Variants in ATP5MJ observed in about 807,000 individuals in gnomAD.
The protein encoded by ATP5MJ is ATP synthase F(0) complex subunit j, mitochondrial.
Under a neutral mutation model 8.3 loss-of-function variants are expected in ATP5MJ, and 4 were observed. The ratio of observed to expected loss-of-function variants is 0.48; its 90% CI spans 0.24 to 1.11. The LOEUF (loss-of-function observed/expected upper bound fraction) is 1.11. Among genes scored for constraint, ATP5MJ ranks in the 50% least tolerant of loss-of-function variants. ATP5MJ has a pLI of 0.18. For synonymous variants in ATP5MJ, 23 were observed against 21.3 expected (o/e 1.08, Z -0.23); for missense variants, 66 against 71.8 (o/e 0.92, Z 0.29).
At chr14:103,914,722 C>T in intron 2 of ATP5MJ, 1 of 540,732 alleles carries the variant, frequency 1.8e-6, no homozygotes, top group Non-Finnish European at 3.2e-6. Context: ...AGCTACTTGG[C>T]AGGCTGAGGT....
At position 103,915,160 on chromosome 14, in the gene ATP5MJ, C is replaced by T; in HGVS notation, c.30G>A (p.Trp10Ter). 1 of 1,613,614 alleles carries T rather than the reference C, an allele frequency of 6.2e-7. No homozygotes were observed. The highest frequency in any genetic ancestry group is 8.5e-7 in the Non-Finnish European group (1 of 1,179,662). The change falls in exon 2 of 4, where the codon TGG (tryptophan) becomes TGA (stop). Residue 10 changes from tryptophan (W) to a stop codon, truncating the protein, a stop_gained. Coordinates refer to ENST00000286953, the MANE Select transcript of ATP5MJ (RefSeq NM_004894.3). LOFTEE classifies it high-confidence loss of function. ...TGGTGTAGTAGGGCTTCATGGGGAT[C>T]CATATGTTTTTAATAATACTTTGAA... is the stretch of plus-strand genomic sequence containing the variant. MLQSIIKNI[W>*]IPMKPYYTKV...
chr14:103,916,605 GC>G (rs924066590), intron 1 of ATP5MJ, among the ~76,000 whole-genome samples: 4 of 152,106 alleles, frequency 2.6e-5, no homozygotes, highest in Non-Finnish European at 5.9e-5. Context: ...GGTGGTGCTT[GC>G]CTGGCTAATT....
intron 1 of ATP5MJ, chr14:103,921,263 G>C (rs2087675985): frequency 4.0e-6 from 2 of 502,300 alleles, no homozygotes; most frequent in African/African-American, 1.9e-5. Flanking sequence ...GCCAAGGAGG[G>C]AAACGCGGCG....
At chr14:103,919,545 C>G (rs965346342) in intron 1 of ATP5MJ, among the ~76,000 whole-genome samples, 6 of 152,068 alleles carry the variant, frequency 3.9e-5, no homozygotes, top group African/African-American at 1.4e-4. Flanking sequence ...GGGCTTTGGA[C>G]AGAACAAGGT....
intron 1 of ATP5MJ, among the ~76,000 whole-genome samples, chr14:103,920,480 T>TTTTTTC (rs1227784079): frequency 6.9e-6 from 1 of 145,494 alleles, no homozygotes; most frequent in African/African-American, 2.5e-5. Flanking sequence ...TTTTTTTTTT[T>TTTTTTC]TTTTTTTTTT....
At chr14:103,913,855 T>C (rs1414366555) in intron 3 of ATP5MJ, 106 bp downstream of exon 3, 1 of 1,333,532 alleles carries the variant, frequency 7.5e-7, no homozygotes, top group Non-Finnish European at 1.1e-6. Flanking sequence ...CTTACATATA[T>C]ACTGAACTGT....
At position 103,912,646 on chromosome 14, in the gene ATP5MJ, T is replaced by C. The variant is rs371112730; in HGVS notation, c.*20A>G. 27 of 1,613,394 alleles carry C rather than the reference T, an allele frequency of 1.7e-5. No individual in the cohort carries two copies. The highest frequency in any genetic ancestry group is 1.6e-4 in the Middle Eastern group (1 of 6,084). ...AGGCAGACTGACGTTTTCTTTCACA[T>C]GTACTCCAAGTAAATCTGGTTAGTG... On this transcript the variant is annotated 3_prime_UTR_variant, in exon 4 of 4. Transcript: ENST00000286953.
intron 1 of ATP5MJ, among the ~76,000 whole-genome samples, chr14:103,916,388 A>T (rs2087626099): frequency 1.3e-5 from 2 of 152,198 alleles, no homozygotes; most frequent in Non-Finnish European, 2.9e-5. Flanking sequence ...ATTAAACTAC[A>T]GTCAAATAGC....
At position 103,915,101 on chromosome 14, in the gene ATP5MJ, A is replaced by G; in HGVS notation, c.89T>C (p.Leu30Pro). The change falls in exon 2 of 4, where the codon CTG (leucine) becomes CCG (proline). Residue 30 changes from leucine to proline, a missense_variant. Leu to Pro is a moderately conservative substitution (Grantham distance 98). Coordinates refer to ENST00000286953, the MANE Select transcript of ATP5MJ (RefSeq NM_004894.3). ...GATTTTATAAACGATGAAGCCCATC[A>G]GCCCCATTCCTATCCAAATCTCCTG... ...VYQEIWIGMG[L>P]MGFIVYKIRA... is the part of the protein sequence containing the mutation. The G allele has an allele frequency of 6.2e-7, 1 of 1,614,172 alleles. No homozygotes were observed. Among genetic ancestry groups the G allele is most frequent in the Non-Finnish European group, 8.5e-7 (1 of 1,180,026 alleles).
chr14:103,912,603 C>T lies in ATP5MJ; in HGVS notation c.*63G>A, dbSNP rs527723918. ...GACGTTCCACGCTCCCCATCTAACA[C>T]GGCTTGCTGAAATTTACAGGCAGAC... On this transcript the variant is annotated 3_prime_UTR_variant, in exon 4 of 4. Transcript: ENST00000286953. 52 of 1,544,764 alleles carry T rather than the reference C, an allele frequency of 3.4e-5. No individual in the cohort carries two copies. Among genetic ancestry groups the T allele is most frequent in the African/African-American group, 6.8e-5 (5 of 73,174 alleles).
rs182590700 is a variant in ATP5MJ at position 103,917,027 on chromosome 14, G to A, written c.1-1838C>T. Among the ~76,000 whole-genome samples the A allele has an allele frequency of 3.6e-3, 551 of 152,278 alleles. 3 individuals carry two copies. The highest frequency in any genetic ancestry group is 0.012 in the African/African-American group (518 of 41,546). ...TATTCACTTGGCAAATGTGCACTGAGCATGTACTAGGTGCCAGACATTGTT... is the reference window on the plus strand; with the variant it reads ...TATTCACTTGGCAAATGTGCACTGAACATGTACTAGGTGCCAGACATTGTT... On this transcript the variant is annotated intron_variant, in intron 1 of 3. Coordinates refer to ENST00000286953, the MANE Select transcript of ATP5MJ (RefSeq NM_004894.3).
intron 1 of ATP5MJ, among the ~76,000 whole-genome samples, chr14:103,915,438 C>T (rs970953760): frequency 1.3e-5 from 2 of 152,082 alleles, no homozygotes; most frequent in Admixed American, 1.3e-4. Flanking sequence ...CCTCTGACTC[C>T]CAGGTTCAAG....
At chr14:103,914,612 G>A in intron 2 of ATP5MJ, 1 of 623,602 alleles carries the variant, frequency 1.6e-6, no homozygotes, top group Non-Finnish European at 2.9e-6. Flanking sequence ...ACCAGCCTGG[G>A]TAACATGGCA....
intron 1 of ATP5MJ, among the ~76,000 whole-genome samples, chr14:103,919,232 C>T (rs1480993841): frequency 4.7e-5 from 7 of 148,884 alleles, no homozygotes; most frequent in Non-Finnish European, 1.0e-4. Context: ...AATACAAAAA[C>T]TAGCTGGGCA....
At chr14:103,914,020 CAA>C (rs765775621) in intron 2 of ATP5MJ, 36 bp from the exon 3 acceptor site, 1 of 1,570,372 alleles carries the variant, frequency 6.4e-7, no homozygotes, top group East Asian at 2.2e-5. Flanking sequence ...GCAGTCATAT[CAA>C]TGCTTTACAA....
At chr14:103,918,603 G>A (rs1037757205) in intron 1 of ATP5MJ, among the ~76,000 whole-genome samples, 1 of 151,874 alleles carries the variant, frequency 6.6e-6, no homozygotes, top group Admixed American at 6.6e-5. Context: ...CTTGTGTTCT[G>A]CCCGCCTCGG....
intron 1 of ATP5MJ, among the ~76,000 whole-genome samples, chr14:103,915,957 C>A (rs559339333): frequency 6.6e-6 from 1 of 152,100 alleles, no homozygotes. Context: ...ATGTCTAAAT[C>A]GAAAAATTAG....
intron 1 of ATP5MJ, among the ~76,000 whole-genome samples, chr14:103,920,429 G>GCCGGC (rs1407506914): frequency 6.9e-6 from 1 of 145,832 alleles, no homozygotes; most frequent in East Asian, 2.1e-4. Flanking sequence ...ACCGCGCCCA[G>GCCGGC]CTACATATTC....
At chr14:103,913,614 AAAC>A (rs1215221373) in intron 3 of ATP5MJ, 1 of 406,472 alleles carries the variant, frequency 2.5e-6, no homozygotes, top group Non-Finnish European at 4.3e-6. Context: ...CCGTCTCAAA[AAAC>A]AATAAACAAA....
Sources: gnomAD v4.1 joint callset for allele counts (sites outside exome capture counted in the v4.1 genomes callset) on GRCh38, gnomAD v4.1.1 for gene constraint, MANE v1.5 for transcripts, NCBI Gene and HGNC (gene_info 2026-07-23, HGNC 2026-07-21) for gene names.